Variants in CELF2 observed in about 807,000 individuals in gnomAD.
CELF2 encodes the protein CUGBP Elav-like family member 2.
CELF2 carries 8 observed loss-of-function variants against 62.6 expected under a neutral mutation model. The observed-to-expected ratio is 0.13, with a 90% CI of 0.07 to 0.23. CELF2 has a LOEUF of 0.23. CELF2 is among the 10% of genes least tolerant of loss of function. The probability of loss-of-function intolerance (pLI) is 1.00; values close to 1 mark genes in which losing one functional copy is unlikely to be tolerated. For synonymous variants in CELF2, 258 were observed against 250.0 expected (o/e 1.03, Z -0.30); for missense variants, 333 against 671.0 (o/e 0.50, Z 5.56).
intron 1 of CELF2, among the ~76,000 whole-genome samples, chr10:11,149,553 A>G (rs960571871): frequency 9.9e-5 from 15 of 152,222 alleles, no homozygotes; most frequent in African/African-American, 3.6e-4. Context: ...TTCCAGAAGC[A>G]GTGTACTAAG....
the CELF2 span, among the ~76,000 whole-genome samples, chr10:10,475,518 T>C: frequency 6.6e-6 from 1 of 152,070 alleles, no homozygotes; most frequent in African/African-American, 2.4e-5. Context: ...AGATCAAGTT[T>C]TCAGGGTAGC....
the CELF2 span, among the ~76,000 whole-genome samples, chr10:10,473,229 G>C: frequency 6.6e-6 from 1 of 151,978 alleles, no homozygotes; most frequent in East Asian, 1.9e-4. Flanking sequence ...GCCATGTGAA[G>C]ACAGAGACAG....
At chr10:10,912,544 AT>A (rs1160222699) in intron 1 of CELF2, among the ~76,000 whole-genome samples, 7 of 151,888 alleles carry the variant, frequency 4.6e-5, no homozygotes, top group African/African-American at 1.5e-4. Flanking sequence ...TAATTTTTCT[AT>A]TTTTAGTAGA....
Position 11,285,826 on chromosome 10 carries a change from GGTGTGTGTGTGT to G in CELF2, c.842-2551_842-2540del, listed in dbSNP as rs71378788. On this transcript the variant is annotated intron_variant, in intron 8 of 12. Transcript: ENST00000633077. The surrounding 1 kb of genome is among the most constrained non-coding windows in gnomAD (Gnocchi z 4.3). The stretch of plus-strand genomic sequence containing the variant: ...TTGCTCATCACCTACTATATATATT[GGTGTGTGTGTGT>G]GTGTGTGTGTGTGTGTGTGTGTGTG... Among the ~76,000 whole-genome samples, 3,954 of 128,600 alleles carry G rather than the reference GGTGTGTGTGTGT, an allele frequency of 0.031. 63 individuals are homozygous for G. Among genetic ancestry groups the G allele is most frequent in the East Asian group, 0.12 (374 of 3,154 alleles). 84.4% of individuals were successfully genotyped at this position (128,600 alleles called of 152,430 possible).
chr10:11,140,234 T>C (rs1347442077), intron 1 of CELF2, among the ~76,000 whole-genome samples: 1 of 152,148 alleles, frequency 6.6e-6, no homozygotes, highest in East Asian at 1.9e-4. Context: ...TCTTTTGATG[T>C]TGGTTTTTGT....
intron 1 of CELF2, among the ~76,000 whole-genome samples, chr10:11,162,037 G>A (rs905236161): frequency 5.3e-5 from 8 of 152,188 alleles, no homozygotes; most frequent in African/African-American, 1.9e-4. Context: ...ATTCATTTGG[G>A]TGGATGAGAA....
the CELF2 span, among the ~76,000 whole-genome samples, chr10:10,616,295 GGTGTGTGTGTGTGT>G: frequency 0.047 from 6,743 of 143,922 alleles, 460 homozygotes; most frequent in African/African-American, 0.15. Flanking sequence ...TTTTGTTTGG[GGTGTGTGTGTGTGT>G]GTGTGTGTGT....
the CELF2 span, among the ~76,000 whole-genome samples, chr10:10,582,217 A>C: frequency 6.6e-6 from 1 of 152,298 alleles, no homozygotes; most frequent in East Asian, 1.9e-4. Flanking sequence ...ATCCCTGCTC[A>C]GGGGATATTT....
chr10:11,273,258 G>A (rs893004294), intron 7 of CELF2, among the ~76,000 whole-genome samples: 7 of 151,926 alleles, frequency 4.6e-5, no homozygotes, highest in African/African-American at 9.7e-5. Context: ...GTTAGGAACC[G>A]GACCGCCCAG....
intron 1 of CELF2, among the ~76,000 whole-genome samples, chr10:10,904,723 C>T (rs576024062): frequency 6.6e-6 from 1 of 152,190 alleles, no homozygotes; most frequent in African/African-American, 2.4e-5. Context: ...TTAAACTGAG[C>T]TTTAACCCCA....
the CELF2 span, among the ~76,000 whole-genome samples, chr10:10,638,952 G>T: frequency 6.6e-6 from 1 of 152,150 alleles, no homozygotes; most frequent in South Asian, 2.1e-4. Context: ...CCCAATCAGA[G>T]GAGCCCTGTA....
In CELF2 at chr10:11,165,105, C is replaced by G; in HGVS notation, c.75-381C>G. 9.9e-7 allele frequency: 1 copy of G among 1,006,160 alleles called. No homozygotes were observed. Among genetic ancestry groups the G allele is most frequent in the Non-Finnish European group, 1.2e-6 (1 of 842,726 alleles). The allele number at this position is 1,006,160 out of a possible 1,614,324, so 62.3% of individuals were successfully genotyped here. ...CAGACATCTAGCTCTGCCTTTCTTT[C>G]CCAGCCACAGCCAGGGTAGGGCTGA... On this transcript the variant is annotated intron_variant, in intron 1 of 12. Coordinates refer to ENST00000633077, the MANE Select transcript of CELF2 (RefSeq NM_001326342.2). This position sits in a 1 kb window ranked among gnomAD's most constrained non-coding sequence, Gnocchi z 7.4.
chr10:10,546,212 A>G, the CELF2 span, among the ~76,000 whole-genome samples: 1 of 152,220 alleles, frequency 6.6e-6, no homozygotes. Flanking sequence ...GCCTGCCGAT[A>G]ACCATACTGT....
At chr10:11,141,420 A>G (rs758032060) in intron 1 of CELF2, among the ~76,000 whole-genome samples, 2 of 152,250 alleles carry the variant, frequency 1.3e-5, no homozygotes, top group Non-Finnish European at 1.5e-5. Context: ...AGGCTATAAA[A>G]TAAGCCACAA....
At chr10:10,631,444 T>G in the CELF2 span, among the ~76,000 whole-genome samples, 1 of 152,164 alleles carries the variant, frequency 6.6e-6, no homozygotes, top group East Asian at 1.9e-4. Context: ...TTGAAAAATA[T>G]TAGCTTGAGA....
chr10:10,954,123 T>C (rs1031432148), intron 2 of CELF2, among the ~76,000 whole-genome samples: 2 of 151,688 alleles, frequency 1.3e-5, no homozygotes, highest in African/African-American at 2.4e-5. Context: ...ATTGTGTAAA[T>C]GATGGGGTGA....
the CELF2 span, among the ~76,000 whole-genome samples, chr10:10,751,568 C>T: frequency 6.6e-6 from 1 of 152,116 alleles, no homozygotes; most frequent in Non-Finnish European, 1.5e-5. Flanking sequence ...TTAAGTAGAA[C>T]TTCATGCTGA....
chr10:11,124,287 A>G (rs1476176307), intron 1 of CELF2, among the ~76,000 whole-genome samples: 1 of 152,168 alleles, frequency 6.6e-6, no homozygotes, highest in African/African-American at 2.4e-5. Context: ...ATACATACCT[A>G]CACACTCAAT....
At chr10:10,522,773 T>C in the CELF2 span, among the ~76,000 whole-genome samples, 21,356 of 152,120 alleles carry the variant, frequency 0.14, 1,724 homozygotes, top group East Asian at 0.22. Context: ...TTTCATCATA[T>C]TGCTCAGGCT....
Sources: allele counts gnomAD v4.1 joint callset (sites outside exome capture counted in the v4.1 genomes callset), GRCh38; gene constraint gnomAD v4.1.1; non-coding constraint Gnocchi (gnomAD v3.1); transcripts MANE v1.5; gene names NCBI Gene and HGNC (gene_info 2026-07-23, HGNC 2026-07-21).